PCP4L1: variants seen among roughly 807,000 people sequenced by gnomAD.
The protein encoded by PCP4L1 is Purkinje cell protein 4 like 1, also known as Purkinje cell protein 4-like protein 1.
In PCP4L1, 9 loss-of-function variants were observed where a neutral mutation model predicts 9.6. The ratio of observed to expected loss-of-function variants is 0.94; its 90% CI spans 0.57 to 1.64. PCP4L1 has a LOEUF of 1.64. PCP4L1 is among the 40% of genes most tolerant of loss of function. The pLI is 0.00. For missense variants in PCP4L1, 81 were observed against 80.8 expected (o/e 1.00, Z -0.01); for synonymous variants, 31 against 28.2 (o/e 1.10, Z -0.31).
chr1:161,278,610 A>C (rs923004817), intron 1 of PCP4L1, among the ~76,000 whole-genome samples: 1 of 151,762 alleles, frequency 6.6e-6, no homozygotes, highest in Non-Finnish European at 1.5e-5. Context: ...AATCCTTTAA[A>C]AACATGACAG....
Position 161,284,558 on chromosome 1 carries a change from C to T in PCP4L1, c.*77C>T. ...CTTCTCCACACCCATGTATCTTTAT[C>T]CCTTGTCCCTCTAGCCTTTCCTTGA... On this transcript the variant is annotated 3_prime_UTR_variant, in exon 3 of 3. Coordinates refer to ENST00000504449, the MANE Select transcript of PCP4L1 (RefSeq NM_001102566.2). The T allele has an allele frequency of 1.3e-6, 2 of 1,543,636 alleles. No homozygotes were observed. Among genetic ancestry groups the T allele is most frequent in the East Asian group, 2.4e-5 (1 of 41,980 alleles).
At chr1:161,259,456 T>C (rs1240243173) in intron 1 of PCP4L1, among the ~76,000 whole-genome samples, 3 of 152,148 alleles carry the variant, frequency 2.0e-5, no homozygotes, top group Non-Finnish European at 4.4e-5. Flanking sequence ...TTTAGAAAGG[T>C]GGCATCCTGC....
At chr1:161,270,697 C>T (rs528185132) in intron 1 of PCP4L1, among the ~76,000 whole-genome samples, 13 of 151,846 alleles carry the variant, frequency 8.6e-5, no homozygotes, top group East Asian at 7.8e-4. Flanking sequence ...CATGGTGAAA[C>T]GCCATCTCTA....
chr1:161,274,647 A>G (rs1243799338), intron 1 of PCP4L1, among the ~76,000 whole-genome samples: 1 of 152,204 alleles, frequency 6.6e-6, no homozygotes, highest in Admixed American at 6.5e-5. Flanking sequence ...TCTGGAAGAT[A>G]AACAGGAGGG....
chr1:161,264,976 G>T (rs766130180), intron 1 of PCP4L1, among the ~76,000 whole-genome samples: 1 of 152,180 alleles, frequency 6.6e-6, no homozygotes, highest in African/African-American at 2.4e-5. Flanking sequence ...CCATCATTAC[G>T]CAGGATGCCT....
intron 1 of PCP4L1, among the ~76,000 whole-genome samples, chr1:161,277,732 C>A (rs1669722095): frequency 6.6e-6 from 1 of 152,100 alleles, no homozygotes; most frequent in Non-Finnish European, 1.5e-5. Flanking sequence ...AGGTGATCCT[C>A]CTGCCTCATC....
chr1:161,284,597 T>A lies in PCP4L1; in HGVS notation c.*116T>A. 3 of 1,369,190 alleles carry A rather than the reference T, an allele frequency of 2.2e-6. No homozygotes were observed. Among genetic ancestry groups the A allele is most frequent in the Non-Finnish European group, 3.0e-6 (3 of 1,009,160 alleles). The allele number at this position is 1,369,190 out of a possible 1,614,324, so 84.8% of individuals were successfully genotyped here. Reference sequence around the variant, plus strand: ...GCCTTTCCTTGAGGCAAGTTCAACCTTTATATACTCTTGTATCTGGCCCCC... The same window carrying A: ...GCCTTTCCTTGAGGCAAGTTCAACCATTATATACTCTTGTATCTGGCCCCC... On this transcript the variant is annotated 3_prime_UTR_variant, in exon 3 of 3. Coordinates refer to ENST00000504449, the MANE Select transcript of PCP4L1 (RefSeq NM_001102566.2).
rs2102243979 is a variant in PCP4L1, at chr1:161,282,887, C to T, written c.10-781C>T. Among the ~76,000 whole-genome samples, 4 of 152,210 alleles carry T rather than the reference C, an allele frequency of 2.6e-5. No individual in the cohort carries two copies. In the Middle Eastern group the frequency reaches 0.014, roughly 518 times the overall value. ...GAATCCAACCATTTACCATCTTCAT[C>T]GCCACCATGCTGATTCAAGCTACCA... is the stretch of plus-strand genomic sequence containing the variant. On this transcript the variant is annotated intron_variant, in intron 1 of 2. Transcript: ENST00000504449.
rs11302998 is a variant in PCP4L1, at chr1:161,275,515, C to CAAAAAAA, written c.10-8140_10-8134dup. On this transcript the variant is annotated intron_variant, in intron 1 of 2. Coordinates refer to ENST00000504449, the MANE Select transcript of PCP4L1 (RefSeq NM_001102566.2). ...TGGGCGACAGAGCAAGACTCCGTCTCAAAAAAAAAAAAAAAAAAAGAATCA... is the reference window on the plus strand; with the variant it reads ...TGGGCGACAGAGCAAGACTCCGTCTCAAAAAAAAAAAAAAAAAAAAAAAAAAGAATCA... Among the ~76,000 whole-genome samples the CAAAAAAA allele has an allele frequency of 2.0e-4, 18 of 91,886 alleles. 1 individual carries two copies. Among genetic ancestry groups the CAAAAAAA allele is most frequent in the African/African-American group, 7.0e-4 (17 of 24,280 alleles). The allele number at this position is 91,886 out of a possible 152,430, so 60.3% of individuals were successfully genotyped here. A position where few individuals can be genotyped will look rare whatever the true frequency, so the allele number is the denominator to read the frequency against.
chr1:161,276,891 T>G (rs1046559299), intron 1 of PCP4L1, among the ~76,000 whole-genome samples: 1 of 152,170 alleles, frequency 6.6e-6, no homozygotes, highest in African/African-American at 2.4e-5. Context: ...GCATTTTTAA[T>G]AATTTTTTTC....
intron 1 of PCP4L1, among the ~76,000 whole-genome samples, chr1:161,259,441 C>T (rs931208614): frequency 6.6e-6 from 1 of 152,196 alleles, no homozygotes; most frequent in African/African-American, 2.4e-5. Context: ...GGCCACTGTG[C>T]CCCTTTTAGA....
intron 1 of PCP4L1, among the ~76,000 whole-genome samples, chr1:161,278,594 C>T (rs1335283109): frequency 6.6e-6 from 1 of 151,508 alleles, no homozygotes; most frequent in African/African-American, 2.4e-5. Context: ...ACCCATCTGT[C>T]AGAACAATCC....
At chr1:161,277,508 G>A (rs1389757289) in intron 1 of PCP4L1, among the ~76,000 whole-genome samples, 1 of 152,168 alleles carries the variant, frequency 6.6e-6, no homozygotes, top group African/African-American at 2.4e-5. Context: ...GATTAAATGG[G>A]ATAATGTTTG....
intron 1 of PCP4L1, among the ~76,000 whole-genome samples, chr1:161,275,956 C>T (rs1265793569): frequency 1.3e-5 from 2 of 151,930 alleles, no homozygotes; most frequent in African/African-American, 4.8e-5. Context: ...CCACCACGCC[C>T]AGCTAATTTT....
At chr1:161,272,539 C>G (rs1047005068) in intron 1 of PCP4L1, among the ~76,000 whole-genome samples, 2 of 106,154 alleles carry the variant, frequency 1.9e-5, no homozygotes, top group Admixed American at 1.2e-4. Flanking sequence ...GCCTGGGCAA[C>G]AAAAGCGAAA....
chr1:161,281,167 T>C (rs968449893), intron 1 of PCP4L1, among the ~76,000 whole-genome samples: 2 of 152,046 alleles, frequency 1.3e-5, no homozygotes, highest in Admixed American at 6.6e-5. Context: ...GGTAAGGTCA[T>C]AGATCAACAG....
intron 1 of PCP4L1, among the ~76,000 whole-genome samples, chr1:161,281,833 G>A (rs7540629): frequency 1.8e-5 from 1 of 55,574 alleles, no homozygotes; most frequent in Non-Finnish European, 3.1e-5. Context: ...ACGGGGCGGC[G>A]GGGCAGAGGC....
At chr1:161,275,654 G>A (rs1044259167) in intron 1 of PCP4L1, among the ~76,000 whole-genome samples, 10 of 152,020 alleles carry the variant, frequency 6.6e-5, no homozygotes, top group African/African-American at 1.9e-4. Flanking sequence ...ATAGATCAGA[G>A]TCCGAGATTT....
intron 1 of PCP4L1, among the ~76,000 whole-genome samples, chr1:161,267,057 C>G (rs1669543768): frequency 1.3e-5 from 2 of 152,112 alleles, no homozygotes. Context: ...CTCCTGTCCC[C>G]CTTCACTTCC....
Sources: gnomAD v4.1 joint callset for allele counts (sites outside exome capture counted in the v4.1 genomes callset) on GRCh38, gnomAD v4.1.1 for gene constraint, MANE v1.5 for transcripts, NCBI Gene and HGNC (gene_info 2026-07-23, HGNC 2026-07-21) for gene names.